LRRC18: variants seen among roughly 807,000 people sequenced by gnomAD.
LRRC18 encodes leucine-rich repeat-containing protein 18.
LRRC18 carries 12 observed loss-of-function variants against 11.2 expected under a neutral mutation model. The ratio of observed to expected loss-of-function variants is 1.07; its 90% CI spans 0.69 to 1.74. The LOEUF (loss-of-function observed/expected upper bound fraction) is 1.74, where lower values mean the gene tolerates loss of function less well. Among genes scored for constraint, LRRC18 ranks in the 40% most tolerant of loss-of-function variants. The probability of loss-of-function intolerance (pLI) is 0.00; values close to 1 mark genes in which losing one functional copy is unlikely to be tolerated. For synonymous variants in LRRC18, 155 were observed against 130.6 expected, an observed-to-expected ratio of 1.19 and a Z score of -1.27; for missense variants, 374 against 330.5, an observed-to-expected ratio of 1.13 and a Z score of -1.02.
At chr10:48,933,724 G>A in the LRRC18 span, among the ~76,000 whole-genome samples, 1 of 152,174 alleles carries the variant, frequency 6.6e-6, no homozygotes, top group African/African-American at 2.4e-5. Context: ...AATTGCATTG[G>A]CAATGGGCTG....
At chr10:48,915,678 C>A (rs567215889), upstream of LRRC18, among the ~76,000 whole-genome samples, 1 of 152,318 alleles carries the variant, frequency 6.6e-6, no homozygotes, top group Admixed American at 6.5e-5. Context: ...CTCACACCTA[C>A]TGAAAATCCC....
At chr10:48,926,373 T>G in the LRRC18 span, among the ~76,000 whole-genome samples, 1 of 152,240 alleles carries the variant, frequency 6.6e-6, no homozygotes, top group Non-Finnish European at 1.5e-5. Flanking sequence ...CATTTTAATT[T>G]GGCATGGATT....
chr10:48,914,561 G>T (rs1393490666), upstream of LRRC18, among the ~76,000 whole-genome samples: 1 of 152,130 alleles, frequency 6.6e-6, no homozygotes, highest in Non-Finnish European at 1.5e-5. Context: ...ATGTGTGTGT[G>T]TTCTTGGATA....
At chr10:48,913,326 G>A in intron 1 of LRRC18, 66 bp downstream of exon 3, 1 of 1,489,096 alleles carries the variant, frequency 6.7e-7, no homozygotes, top group Non-Finnish European at 9.1e-7. Context: ...TCCTGTGGAG[G>A]TAGCCCACTG....
the LRRC18 span, among the ~76,000 whole-genome samples, chr10:48,926,626 C>T: frequency 6.6e-5 from 10 of 152,270 alleles, no homozygotes; most frequent in African/African-American, 2.2e-4. Flanking sequence ...ACTCCACTGT[C>T]CAGGGGCCAA....
chr10:48,913,521 C>A, exon 1 of LRRC18: 1 of 1,613,862 alleles, frequency 6.2e-7, no homozygotes, highest in Non-Finnish European at 8.5e-7. Flanking sequence ...TTGGCATTTT[C>A]TCAGGCAAGC....
the LRRC18 span, among the ~76,000 whole-genome samples, chr10:48,937,231 T>C: frequency 6.6e-6 from 1 of 152,230 alleles, no homozygotes; most frequent in Non-Finnish European, 1.5e-5. Flanking sequence ...CCTCATATTA[T>C]GGCATAGTTG....
the LRRC18 span, among the ~76,000 whole-genome samples, chr10:48,937,706 T>C: frequency 6.6e-6 from 1 of 152,178 alleles, no homozygotes; most frequent in Non-Finnish European, 1.5e-5. Context: ...TGAAAAGCGA[T>C]AGGTAGTTAT....
intron 1 of LRRC18, chr10:48,910,910 T>G (rs766565040): frequency 2.2e-5 from 22 of 985,172 alleles, no homozygotes; most frequent in South Asian, 1.4e-4. Flanking sequence ...GATGTTTCTC[T>G]TAACTTCTCT....
At chr10:48,920,844 T>C in the LRRC18 span, among the ~76,000 whole-genome samples, 33 of 152,228 alleles carry the variant, frequency 2.2e-4, no homozygotes, top group African/African-American at 8.0e-4. Flanking sequence ...AAAACACCCA[T>C]TGCATTTCCA....
At chr10:48,926,843 T>C in the LRRC18 span, among the ~76,000 whole-genome samples, 1 of 152,324 alleles carries the variant, frequency 6.6e-6, no homozygotes, top group African/African-American at 2.4e-5. Flanking sequence ...TTCATAGGCA[T>C]GTGTCCCCAA....
the LRRC18 span, among the ~76,000 whole-genome samples, chr10:48,927,157 C>T: frequency 4.6e-5 from 7 of 152,238 alleles, no homozygotes; most frequent in South Asian, 2.1e-4. Context: ...TCTAACCTCT[C>T]GTTAAGTACT....
At chr10:48,934,709 T>C in the LRRC18 span, among the ~76,000 whole-genome samples, 1 of 152,234 alleles carries the variant, frequency 6.6e-6, no homozygotes, top group South Asian at 2.1e-4. Context: ...TTTGTTCTGC[T>C]GGGCTGGACC....
intron 1 of LRRC18, among the ~76,000 whole-genome samples, chr10:48,913,085 C>A (rs968491583): frequency 1.3e-5 from 2 of 152,172 alleles, no homozygotes; most frequent in African/African-American, 4.8e-5. Context: ...GCTTAGGCCA[C>A]AGTGGTAGAC....
At chr10:48,913,713 T>G in exon 1 of LRRC18, 1 of 1,612,676 alleles carries the variant, frequency 6.2e-7, no homozygotes, top group East Asian at 2.2e-5. Context: ...GAGCCCTACC[T>G]CGTGGAGCTC....
the LRRC18 span, among the ~76,000 whole-genome samples, chr10:48,920,544 A>T: frequency 2.6e-5 from 4 of 152,368 alleles, no homozygotes; most frequent in East Asian, 7.7e-4. Context: ...AAAGAAAAAA[A>T]AAGCTAGAGC....
At chr10:48,938,038 A>T in the LRRC18 span, among the ~76,000 whole-genome samples, 1 of 152,238 alleles carries the variant, frequency 6.6e-6, no homozygotes, top group Non-Finnish European at 1.5e-5. Flanking sequence ...GAAATAGCCC[A>T]CACGCATCAG....
At position 48,910,551 on chromosome 10, in the gene LRRC18, G is replaced by A. The variant is rs58115027; in HGVS notation, c.765-293C>T. 1.1e-3 allele frequency among the ~76,000 whole-genome samples: 174 copies of A among 152,304 alleles called. 1 individual carries two copies. The highest frequency in any genetic ancestry group is 3.5e-3 in the African/African-American group (145 of 41,556). ...TTGGCAGAAAAAGAAATAGAATGCG[G>A]AAGATGCCTCCTAACTGGTCTCTAT... On this transcript the variant is annotated intron_variant, in intron 1 of 1. Coordinates refer to ENST00000374160, the Ensembl canonical transcript of LRRC18.
chr10:48,932,491 A>G, the LRRC18 span: 1 of 152,230 alleles, frequency 6.6e-6, no homozygotes, highest in Non-Finnish European at 1.5e-5. Context: ...CTCACTTTTA[A>G]TCTCTAGAGC....
Sources: gnomAD v4.1 joint callset for allele counts (sites outside exome capture counted in the v4.1 genomes callset) on GRCh38, gnomAD v4.1.1 for gene constraint, MANE v1.5 for transcripts, NCBI Gene and HGNC (gene_info 2026-07-23, HGNC 2026-07-21) for gene names.